Variants in GPM6A observed in about 807,000 individuals in gnomAD.
The protein encoded by GPM6A is glycoprotein M6A, also known as neuronal membrane glycoprotein M6-a.
GPM6A carries 7 observed loss-of-function variants against 32.1 expected under a neutral mutation model. The observed-to-expected ratio is 0.22, with a 90% CI of 0.12 to 0.41. GPM6A has a LOEUF of 0.41. Ranked by LOEUF, GPM6A falls within the 10% of genes least tolerant of loss-of-function variation. The pLI is 1.00. For synonymous variants in GPM6A, 130 were observed against 123.4 expected (o/e 1.05, Z -0.35); for missense variants, 235 against 347.2 (o/e 0.68, Z 2.57).
chr4:175,990,923 A>C (rs1042594186), intron 1 of GPM6A, among the ~76,000 whole-genome samples: 4 of 152,024 alleles, frequency 2.6e-5, no homozygotes, highest in African/African-American at 9.7e-5. Context: ...TGCCTTTTTT[A>C]CCTAAGGAAC....
At chr4:175,697,319 T>G (rs940970999) in intron 2 of GPM6A, among the ~76,000 whole-genome samples, 1 of 152,176 alleles carries the variant, frequency 6.6e-6, no homozygotes, top group Non-Finnish European at 1.5e-5. Context: ...CCCTACTTCT[T>G]ACTTAGTTTG....
chr4:175,766,871 T>G (rs941333927), intron 1 of GPM6A, among the ~76,000 whole-genome samples: 1 of 152,054 alleles, frequency 6.6e-6, no homozygotes, highest in African/African-American at 2.4e-5. Context: ...GCCAGGCTGG[T>G]CTTGAACTCC....
In GPM6A at chr4:175,787,506, T is replaced by A. The variant is rs1194599516; in HGVS notation, c.37+24685A>T. On this transcript the variant is annotated intron_variant, in intron 1 of 6. Transcript: ENST00000393658. ...TTAAGTCACTATTTTTGGTCCTTTT[T>A]GTTCCACCTTTAGGTTGATTTCATC... The A allele has an allele frequency of 6.1e-6, 9 of 1,467,496 alleles. No individual in the cohort carries two copies. The East Asian group carries it at 1.5e-4, about 24-fold the overall frequency. The allele number at this position is 1,467,496 out of a possible 1,614,324, so 90.9% of individuals were successfully genotyped here. A position where few individuals can be genotyped will look rare whatever the true frequency, so the allele number is the denominator to read the frequency against.
chr4:175,830,169 G>A (rs531294087), intron 1 of GPM6A, among the ~76,000 whole-genome samples: 3 of 152,204 alleles, frequency 2.0e-5, no homozygotes, highest in African/African-American at 4.8e-5. Flanking sequence ...AAGATCTATC[G>A]TTGGGTGGTG....
chr4:175,700,869 C>T (rs1239104998), intron 2 of GPM6A, among the ~76,000 whole-genome samples: 1 of 152,114 alleles, frequency 6.6e-6, no homozygotes, highest in African/African-American at 2.4e-5. Flanking sequence ...TTCTAGAATT[C>T]AATCCCAAAC....
chr4:175,900,737 GA>G (rs1737938438), intron 1 of GPM6A, among the ~76,000 whole-genome samples: 1 of 152,106 alleles, frequency 6.6e-6, no homozygotes, highest in Non-Finnish European at 1.5e-5. Context: ...CCTAAAAATA[GA>G]GCTGCCATAT....
intron 1 of GPM6A, among the ~76,000 whole-genome samples, chr4:175,711,592 T>A (rs1010055155): frequency 9.3e-5 from 14 of 150,104 alleles, no homozygotes; most frequent in Non-Finnish European, 1.9e-4. Context: ...ACAAAATGGA[T>A]GTATTTCTTT....
At chr4:175,994,608 G>T (rs62340607) in intron 1 of GPM6A, among the ~76,000 whole-genome samples, 23,344 of 152,198 alleles carry the variant, frequency 0.15, 2,302 homozygotes, top group Non-Finnish European at 0.22. Context: ...CCTTCAGCAA[G>T]TCATAATCTT....
chr4:175,941,232 T>A (rs541585881), intron 1 of GPM6A, among the ~76,000 whole-genome samples: 8 of 152,230 alleles, frequency 5.3e-5, no homozygotes, highest in Non-Finnish European at 1.2e-4. Flanking sequence ...ATAATGAACA[T>A]CATTTTAATA....
chr4:175,895,568 G>C (rs1354333161), intron 1 of GPM6A, among the ~76,000 whole-genome samples: 3 of 152,000 alleles, frequency 2.0e-5, no homozygotes, highest in Non-Finnish European at 4.4e-5. Context: ...GAGATATATA[G>C]TTACTAATAA....
At chr4:175,952,425 C>A (rs1363643376) in intron 1 of GPM6A, among the ~76,000 whole-genome samples, 1 of 152,066 alleles carries the variant, frequency 6.6e-6, no homozygotes, top group East Asian at 1.9e-4. Context: ...TGGATGTCCC[C>A]AAAGCAATGG....
intron 1 of GPM6A, among the ~76,000 whole-genome samples, chr4:175,765,339 A>G (rs967221407): frequency 1.3e-5 from 2 of 152,178 alleles, no homozygotes; most frequent in African/African-American, 4.8e-5. Context: ...TGCCTTGACC[A>G]TCTTAAGTTT....
chr4:175,729,916 ATATT>A (rs1218635023), intron 1 of GPM6A, among the ~76,000 whole-genome samples: 3 of 146,818 alleles, frequency 2.0e-5, no homozygotes, highest in Non-Finnish European at 4.5e-5. Flanking sequence ...AATAATATAT[ATATT>A]ATTTAATATA....
chr4:175,643,993 C>T (rs1473042741), intron 4 of GPM6A, among the ~76,000 whole-genome samples: 3 of 152,100 alleles, frequency 2.0e-5, no homozygotes, highest in Non-Finnish European at 4.4e-5. Context: ...ATGCAAGACC[C>T]TAGAAGAAGG....
At chr4:175,865,244 G>A (rs1048180651) in intron 1 of GPM6A, among the ~76,000 whole-genome samples, 3 of 152,162 alleles carry the variant, frequency 2.0e-5, no homozygotes, top group Admixed American at 1.3e-4. Flanking sequence ...AAAATCAACT[G>A]GCTATATAGA....
At chr4:176,000,164 C>T (rs537216589) in intron 1 of GPM6A, among the ~76,000 whole-genome samples, 166 of 152,282 alleles carry the variant, frequency 1.1e-3, no homozygotes, top group Middle Eastern at 6.8e-3. Context: ...CTACTTCCAT[C>T]TAAAGAGAGT....
chr4:175,982,027 AT>A lies in GPM6A; in HGVS notation c.-23+20281del, dbSNP rs1579684518. On this transcript the variant is annotated intron_variant, in intron 1 of 7. Transcript: ENST00000280187. ...TCTACTGACTAATAATATTTTATGT[AT>A]TTTTATGACTATTTGCCACCTGTAT... Among the ~76,000 whole-genome samples, 3 of 152,130 alleles carry A rather than the reference AT, an allele frequency of 2.0e-5. No homozygotes were observed. In the East Asian group the frequency reaches 5.8e-4, roughly 29 times the overall value.
chr4:175,719,996 G>A (rs969741422), intron 1 of GPM6A, among the ~76,000 whole-genome samples: 1 of 152,130 alleles, frequency 6.6e-6, no homozygotes, highest in Non-Finnish European at 1.5e-5. Context: ...TCATTTTGTT[G>A]CTTCTATTAC....
chr4:175,876,886 C>G (rs1737100040), intron 1 of GPM6A, among the ~76,000 whole-genome samples: 1 of 152,118 alleles, frequency 6.6e-6, no homozygotes. Context: ...AGGCCAGAAA[C>G]AACAAGATTA....
Sources: gnomAD v4.1 joint callset for allele counts (sites outside exome capture counted in the v4.1 genomes callset) on GRCh38, gnomAD v4.1.1 for gene constraint, MANE v1.5 for transcripts, NCBI Gene and HGNC (gene_info 2026-07-23, HGNC 2026-07-21) for gene names.